ADGB: variants seen among roughly 807,000 people sequenced by gnomAD.
ADGB encodes androglobin.
ADGB carries 172 observed loss-of-function variants against 210.5 expected under a neutral mutation model. The observed-to-expected ratio is 0.82, with a 90% CI of 0.72 to 0.93. The LOEUF (loss-of-function observed/expected upper bound fraction) is 0.93, where lower values mean the gene tolerates loss of function less well. ADGB is among the 40% of genes least tolerant of loss of function. The probability of loss-of-function intolerance (pLI) is 0.00; values close to 1 mark genes in which losing one functional copy is unlikely to be tolerated. For missense variants in ADGB, 2,025 were observed against 1,964.8 expected, an observed-to-expected ratio of 1.03 and a Z score of -0.58; for synonymous variants, 658 against 662.7, an observed-to-expected ratio of 0.99 and a Z score of 0.11.
At chr6:146,650,364 G>A (rs1467071243) in intron 3 of ADGB, among the ~76,000 whole-genome samples, 3 of 151,902 alleles carry the variant, frequency 2.0e-5, no homozygotes, top group Non-Finnish European at 4.4e-5. Context: ...AGGCAGAAAA[G>A]AAAAGAGAAA....
intron 1 of ADGB, among the ~76,000 whole-genome samples, chr6:146,607,503 C>G (rs1780648906): frequency 6.6e-6 from 1 of 152,064 alleles, no homozygotes; most frequent in Admixed American, 6.6e-5. Context: ...CAACTTTTGC[C>G]CATTCAGTAT....
chr6:146,718,938 TA>T (rs35431384), intron 16 of ADGB, among the ~76,000 whole-genome samples: 69,065 of 151,984 alleles, frequency 0.45, 16,220 homozygotes, highest in East Asian at 0.54. Context: ...TTTATAGAGA[TA>T]ACACAACAAT....
intron 20 of ADGB, among the ~76,000 whole-genome samples, chr6:146,732,259 G>A (rs1199079359): frequency 6.6e-6 from 1 of 152,132 alleles, no homozygotes; most frequent in African/African-American, 2.4e-5. Flanking sequence ...GACACAGAAA[G>A]CAAACTCATA....
chr6:146,807,568 A>T, intron 35 of ADGB: 1 of 1,536,882 alleles, frequency 6.5e-7, no homozygotes, highest in Admixed American at 2.2e-5. Context: ...CAGAAAAAAA[A>T]GAAAGGAAAG....
intron 28 of ADGB, among the ~76,000 whole-genome samples, chr6:146,768,204 C>A (rs1291925092): frequency 6.6e-6 from 1 of 152,236 alleles, no homozygotes; most frequent in Admixed American, 6.5e-5. Flanking sequence ...TCAATGCAAT[C>A]CCAATCAAAA....
intron 32 of ADGB, among the ~76,000 whole-genome samples, chr6:146,786,161 GTTAGTATATATATATATT>G (rs1007395131): frequency 1.3e-4 from 5 of 39,958 alleles, no homozygotes; most frequent in African/African-American, 3.3e-4. Flanking sequence ...ATATATTTAA[GTTAGTATATATATATATT>G]TAAGTATATA....
At chr6:146,738,826 T>C (rs1047223513) in intron 23 of ADGB, among the ~76,000 whole-genome samples, 2 of 152,198 alleles carry the variant, frequency 1.3e-5, no homozygotes, top group African/African-American at 2.4e-5. Flanking sequence ...GACCCTCTTA[T>C]ACAAGTTGCT....
At position 146,656,792 on chromosome 6, in the gene ADGB, G is replaced by T; in HGVS notation, c.424G>T (p.Glu142Ter). ...CTAGCTGATGAGATGGATTATCAGT[G>T]AAATCTATGCAGTGTGGAAGATCTT... ...CSELMRWIIS[E>*]IYAVWKIFNG... Residue 142 changes from glutamate to a stop codon, truncating the protein, a stop_gained, in exon 5 of 36, where the codon GAA becomes TAA. Coordinates refer to ENST00000397944, the MANE Select transcript of ADGB (RefSeq NM_024694.4). LOFTEE classifies it high-confidence loss of function. The T allele has an allele frequency of 6.5e-7, 1 of 1,539,576 alleles. No individual in the cohort carries two copies. The highest frequency in any genetic ancestry group is 1.4e-5 in the African/African-American group (1 of 72,584).
At chr6:146,616,163 T>C (rs1014611415) in intron 1 of ADGB, among the ~76,000 whole-genome samples, 2 of 152,190 alleles carry the variant, frequency 1.3e-5, no homozygotes, top group African/African-American at 4.8e-5. Context: ...TCCCTGATGA[T>C]TAATGATGTT....
intron 3 of ADGB, among the ~76,000 whole-genome samples, chr6:146,647,154 C>CA (rs1222624289): frequency 9.2e-5 from 13 of 140,954 alleles, no homozygotes; most frequent in South Asian, 6.7e-4. Context: ...AACAAACAAA[C>CA]AAAAAAAACC....
chr6:146,691,035 T>C, intron 10 of ADGB, 81 bp from the exon 11 acceptor site: 1 of 1,259,946 alleles, frequency 7.9e-7, no homozygotes, highest in Non-Finnish European at 1.1e-6. Flanking sequence ...TATTGCTCTG[T>C]TCGTGATAGT....
intron 13 of ADGB, among the ~76,000 whole-genome samples, chr6:146,708,110 T>C (rs1376132156): frequency 6.6e-6 from 1 of 152,124 alleles, no homozygotes; most frequent in Non-Finnish European, 1.5e-5. Flanking sequence ...TCTGTCTCTC[T>C]TATGGTTTAT....
At chr6:146,771,334 T>C (rs1309182739) in intron 29 of ADGB, among the ~76,000 whole-genome samples, 1 of 152,118 alleles carries the variant, frequency 6.6e-6, no homozygotes, top group African/African-American at 2.4e-5. Context: ...TTTGATTATT[T>C]TGCAGTTGAC....
chr6:146,795,074 TAAAG>T (rs1778020080), intron 33 of ADGB, among the ~76,000 whole-genome samples: 1 of 152,052 alleles, frequency 6.6e-6, no homozygotes, highest in African/African-American at 2.4e-5. Context: ...AAATAAAAAT[TAAAG>T]AAAATCATTA....
At position 146,699,217 on chromosome 6, in the gene ADGB, A is replaced by AAGAT. The variant is rs528694131; in HGVS notation, c.1578-1721_1578-1718dup. Among the ~76,000 whole-genome samples the AAGAT allele has an allele frequency of 2.3e-3, 351 of 152,268 alleles. 4 individuals carry two copies. Among genetic ancestry groups the AAGAT allele is most frequent in the Admixed American group, 0.023 (348 of 15,276 alleles). On this transcript the variant is annotated intron_variant, in intron 12 of 35. Transcript: ENST00000397944. The stretch of plus-strand genomic sequence containing the variant: ...TTGGTTATGGAAGCTGAGAAGACTC[A>AAGAT]AGATAGGCTGTCTGCAAGCTGGGGA...
chr6:146,692,255 G>A (rs2114924045), intron 11 of ADGB, among the ~76,000 whole-genome samples: 1 of 152,024 alleles, frequency 6.6e-6, no homozygotes, highest in East Asian at 1.9e-4. Context: ...GTTCACCATG[G>A]TAATGCAAGT....
intron 13 of ADGB, among the ~76,000 whole-genome samples, chr6:146,712,694 ATT>A (rs1261570360): frequency 6.6e-6 from 1 of 151,682 alleles, no homozygotes; most frequent in Non-Finnish European, 1.5e-5. Context: ...AATGTACTTG[ATT>A]TTTTTCTCAT....
In ADGB at chr6:146,788,486, G is replaced by A. The variant is rs1274769103; in HGVS notation, c.4413G>A (p.Val1471=). The change falls in exon 33 of 36, where the codon GTG becomes GTA. Residue 1471 remains valine (V), a synonymous_variant. Transcript: ENST00000397944. ...EMTQTGSGSA[V]WKKWQLTKGL... is the part of the protein sequence containing the mutation. Reference sequence around the variant, plus strand: ...CACAAACAGGATCAGGGAGTGCGGTGTGGAAGAAGTGGCAATTGACCAAAG... The same window carrying A: ...CACAAACAGGATCAGGGAGTGCGGTATGGAAGAAGTGGCAATTGACCAAAG... 3.9e-6 allele frequency: 6 copies of A among 1,551,664 alleles called. No individual in the cohort carries two copies. In the South Asian group the frequency reaches 7.1e-5, roughly 18 times the overall value.
chr6:146,707,217 T>A, intron 13 of ADGB, among the ~76,000 whole-genome samples: 1 of 152,162 alleles, frequency 6.6e-6, no homozygotes. Context: ...ATGATTTCAA[T>A]CTTCTTTAAT....
Sources: gnomAD v4.1 joint callset for allele counts (sites outside exome capture counted in the v4.1 genomes callset) on GRCh38, gnomAD v4.1.1 for gene constraint, MANE v1.5 for transcripts, NCBI Gene and HGNC (gene_info 2026-07-23, HGNC 2026-07-21) for gene names.